The following ACOXL variants were observed in gnomAD, a reference collection of about 807,000 sequenced individuals.
ACOXL encodes the protein acyl-CoA oxidase like.
In ACOXL, 70 loss-of-function variants were observed where a neutral mutation model predicts 71.9. The observed-to-expected ratio is 0.97, with a 90% CI of 0.80 to 1.19. The LOEUF is 1.19. Among genes scored for constraint, ACOXL ranks in the 50% most tolerant of loss-of-function variants. ACOXL has a pLI of 0.00. For missense variants in ACOXL, 703 were observed against 736.3 expected, an observed-to-expected ratio of 0.95 and a Z score of 0.52; for synonymous variants, 253 against 281.6, an observed-to-expected ratio of 0.90 and a Z score of 1.02.
intron 16 of ACOXL, among the ~76,000 whole-genome samples, chr2:111,064,722 C>T (rs2066983500): frequency 6.6e-6 from 1 of 152,140 alleles, no homozygotes. Flanking sequence ...TAGTATCGGA[C>T]ACCTGGAAAC....
intron 11 of ACOXL, among the ~76,000 whole-genome samples, chr2:110,913,815 G>A (rs1469787617): frequency 6.6e-6 from 1 of 152,186 alleles, no homozygotes; most frequent in Non-Finnish European, 1.5e-5. Context: ...GAAAGCAGGA[G>A]CAAGAGAGAG....
rs549765438 is a variant in ACOXL at position 111,046,225 on chromosome 2, C to A, written c.1370-2993C>A. ...CCTCACACCTGCTCCAGCAAGTGGG[C>A]TCCGGGCTCCACACGTCACTGATGA... On this transcript the variant is annotated intron_variant, in intron 15 of 17. Coordinates refer to ENST00000439055, the MANE Select transcript of ACOXL (RefSeq NM_001142807.4). Among the ~76,000 whole-genome samples the A allele has an allele frequency of 6.4e-4, 98 of 152,320 alleles. 1 individual carries two copies. Among genetic ancestry groups the A allele is most frequent in the Non-Finnish European group, 1.1e-3 (76 of 68,032 alleles).
chr2:110,903,389 T>C (rs1476554517), intron 10 of ACOXL, among the ~76,000 whole-genome samples: 3 of 152,372 alleles, frequency 2.0e-5, no homozygotes, highest in East Asian at 3.9e-4. Flanking sequence ...CTCTATTCCT[T>C]AGGAGTTGCT....
intron 14 of ACOXL, among the ~76,000 whole-genome samples, chr2:111,007,968 T>C (rs1401429112): frequency 6.6e-6 from 1 of 152,206 alleles, no homozygotes; most frequent in Non-Finnish European, 1.5e-5. Context: ...CTATTGTATG[T>C]TTACATATTT....
chr2:110,734,569 G>A (rs930420691), intron 1 of ACOXL, among the ~76,000 whole-genome samples: 1 of 152,060 alleles, frequency 6.6e-6, no homozygotes, highest in African/African-American at 2.4e-5. Context: ...AGTGCAAAGA[G>A]TTCCTAAAAT....
At position 110,929,189 on chromosome 2, in the gene ACOXL, A is replaced by G. The variant is rs559846452; in HGVS notation, c.906-4300A>G. The stretch of plus-strand genomic sequence containing the variant: ...TTGGAACTTCCTAGAGACTTCTTAA[A>G]TGGCTTTGACCAAAATGGTGATAAT... On this transcript the variant is annotated intron_variant, in intron 11 of 17. Coordinates refer to ENST00000439055, the MANE Select transcript of ACOXL (RefSeq NM_001142807.4). 7.2e-5 allele frequency among the ~76,000 whole-genome samples: 11 copies of G among 152,352 alleles called. No homozygotes were observed. In the East Asian group the frequency reaches 2.1e-3, roughly 29 times the overall value.
chr2:111,041,953 G>A (rs1316449321), intron 15 of ACOXL, among the ~76,000 whole-genome samples: 1 of 152,192 alleles, frequency 6.6e-6, no homozygotes, highest in Non-Finnish European at 1.5e-5. Flanking sequence ...GAATGTCTCG[G>A]GTTTGCAATG....
chr2:110,775,168 C>A (rs1208841284), intron 2 of ACOXL, among the ~76,000 whole-genome samples: 1 of 152,100 alleles, frequency 6.6e-6, no homozygotes, highest in East Asian at 1.9e-4. Flanking sequence ...AAATTTAACT[C>A]AAAATGGATT....
intron 12 of ACOXL, among the ~76,000 whole-genome samples, chr2:110,947,200 T>G (rs2061142997): frequency 1.3e-5 from 2 of 152,244 alleles, no homozygotes; most frequent in African/African-American, 2.4e-5. Context: ...ACTTTCTTGC[T>G]TTAAGGATTG....
chr2:111,108,014 C>G (rs1333686421), intron 17 of ACOXL, among the ~76,000 whole-genome samples: 2 of 152,172 alleles, frequency 1.3e-5, no homozygotes, highest in African/African-American at 2.4e-5. Flanking sequence ...CTAATCTTTG[C>G]TGGCTTGAGA....
At chr2:110,850,465 A>G (rs888399783) in intron 10 of ACOXL, among the ~76,000 whole-genome samples, 22 of 152,230 alleles carry the variant, frequency 1.4e-4, no homozygotes, top group Non-Finnish European at 2.4e-4. Flanking sequence ...CGAACTGATT[A>G]TTCACCAAAC....
intron 14 of ACOXL, among the ~76,000 whole-genome samples, chr2:111,014,942 T>C (rs1480707203): frequency 6.6e-6 from 1 of 152,232 alleles, no homozygotes; most frequent in Non-Finnish European, 1.5e-5. Flanking sequence ...GACCTTCTTT[T>C]CTGCATAATA....
intron 8 of ACOXL, 125 bp from the exon 9 acceptor site, chr2:110,805,137 AG>A (rs1475272198): frequency 1.2e-5 from 16 of 1,288,542 alleles, no homozygotes; most frequent in Admixed American, 2.0e-5. Flanking sequence ...CTCTGTCTCA[AG>A]GGGGAAGTTC....
chr2:110,734,383 T>A (rs1297614619), intron 1 of ACOXL, among the ~76,000 whole-genome samples: 1 of 151,884 alleles, frequency 6.6e-6, no homozygotes, highest in Non-Finnish European at 1.5e-5. Flanking sequence ...GATTCTCCTG[T>A]CTCAGCCTCC....
intron 14 of ACOXL, among the ~76,000 whole-genome samples, chr2:110,999,670 T>G (rs1487864766): frequency 6.6e-6 from 1 of 152,226 alleles, no homozygotes; most frequent in Non-Finnish European, 1.5e-5. Context: ...TTGGTCACTC[T>G]GTTGCACTCT....
intron 14 of ACOXL, among the ~76,000 whole-genome samples, chr2:111,026,225 G>C (rs1176438740): frequency 2.6e-5 from 4 of 152,010 alleles, no homozygotes; most frequent in Non-Finnish European, 4.4e-5. Flanking sequence ...TTCTCAAAAT[G>C]GTTTTGACTT....
intron 9 of ACOXL, among the ~76,000 whole-genome samples, chr2:110,834,378 A>C (rs972185447): frequency 1.3e-5 from 2 of 152,180 alleles, no homozygotes; most frequent in African/African-American, 4.8e-5. Context: ...CCGTTAGCCA[A>C]CCCTTCATTA....
At chr2:110,812,954 A>G (rs1559296546) in intron 9 of ACOXL, among the ~76,000 whole-genome samples, 1 of 152,168 alleles carries the variant, frequency 6.6e-6, no homozygotes. Context: ...GGCAGCGGGT[A>G]CTGAGAGTAA....
chr2:110,970,380 G>A (rs538944807), intron 12 of ACOXL, among the ~76,000 whole-genome samples: 1 of 152,220 alleles, frequency 6.6e-6, no homozygotes, highest in East Asian at 1.9e-4. Context: ...ACAGACTAAA[G>A]GCGAAAAAGT....
Sources: gnomAD v4.1 joint callset for allele counts (sites outside exome capture counted in the v4.1 genomes callset) on GRCh38, gnomAD v4.1.1 for gene constraint, MANE v1.5 for transcripts, NCBI Gene and HGNC (gene_info 2026-07-23, HGNC 2026-07-21) for gene names.